The following CUBN variants were observed in gnomAD, a reference collection of about 807,000 sequenced individuals.
The protein encoded by CUBN is cubilin, also known as 460 kDa receptor.
In CUBN, 282 loss-of-function variants were observed where a neutral mutation model predicts 405.3. The observed-to-expected ratio is 0.70, with a 90% CI of 0.63 to 0.77. The LOEUF (loss-of-function observed/expected upper bound fraction) is 0.77. CUBN is among the 30% of genes least tolerant of loss of function. CUBN has a pLI of 0.00. For missense variants in CUBN, 4,514 were observed against 4,475.2 expected, an observed-to-expected ratio of 1.01 and a Z score of -0.25; for synonymous variants, 1,684 against 1,617.0, an observed-to-expected ratio of 1.04 and a Z score of -0.99.
intron 28 of CUBN, among the ~76,000 whole-genome samples, chr10:17,008,125 T>C (rs1391355313): frequency 1.3e-5 from 2 of 152,076 alleles, no homozygotes; most frequent in Non-Finnish European, 1.5e-5. Context: ...CACTCTAGCC[T>C]GGGAAATAGA....
chr10:17,056,820 C>T (rs889652666), intron 22 of CUBN, among the ~76,000 whole-genome samples: 2 of 151,964 alleles, frequency 1.3e-5, no homozygotes, highest in Non-Finnish European at 2.9e-5. Flanking sequence ...TGGCAAAGGA[C>T]GTATTTGTAT....
chr10:17,108,543 A>C (rs1477863505), intron 10 of CUBN, among the ~76,000 whole-genome samples: 1 of 152,164 alleles, frequency 6.6e-6, no homozygotes, highest in Non-Finnish European at 1.5e-5. Flanking sequence ...TTGAGCAAAA[A>C]TACCAAGCCA....
At chr10:16,874,618 T>A in intron 57 of CUBN, 115 bp from the exon 58 acceptor site, 1 of 1,315,612 alleles carries the variant, frequency 7.6e-7, no homozygotes, top group Non-Finnish European at 1.1e-6. Flanking sequence ...GTAATAATTA[T>A]TTTTCTTAAA....
At chr10:16,965,376 C>G (rs1324450506) in intron 31 of CUBN, among the ~76,000 whole-genome samples, 2 of 152,150 alleles carry the variant, frequency 1.3e-5, no homozygotes, top group African/African-American at 4.8e-5. Flanking sequence ...CATGCTTTGC[C>G]TAAGCACTAA....
Position 17,127,719 on chromosome 10 carries a change from C to A in CUBN, c.348+110G>T, listed in dbSNP as rs557099005. 6.3e-4 allele frequency: 463 copies of A among 732,242 alleles called. 1 individual carries two copies. Among genetic ancestry groups the A allele is most frequent in the Admixed American group, 6.2e-3 (271 of 44,040 alleles). The allele number at this position is 732,242 out of a possible 1,614,324, so 45.4% of individuals were successfully genotyped here. On this transcript the variant is annotated intron_variant, in intron 3 of 66. Coordinates refer to ENST00000377833, the MANE Select transcript of CUBN (RefSeq NM_001081.4). ...TAACCAAACAGTGAGTAGTTACATG[C>A]TAAATCTCTAAAGAGCACACAAAGT...
chr10:17,020,777 T>C (rs952894703), intron 27 of CUBN, among the ~76,000 whole-genome samples: 3 of 152,220 alleles, frequency 2.0e-5, no homozygotes, highest in Non-Finnish European at 2.9e-5. Flanking sequence ...ACAAATATAA[T>C]GTATTTATAT....
At chr10:16,921,718 G>A (rs1015157277) in intron 43 of CUBN, among the ~76,000 whole-genome samples, 3 of 152,162 alleles carry the variant, frequency 2.0e-5, no homozygotes, top group African/African-American at 4.8e-5. Flanking sequence ...GAGGCCCTCA[G>A]GAATCCTCCT....
chr10:17,103,152 G>A lies in CUBN; in HGVS notation c.1503C>T (p.Phe501=), dbSNP rs373833244. 4 of 1,613,222 alleles carry A rather than the reference G, an allele frequency of 2.5e-6. No individual in the cohort carries two copies. The African/African-American group carries it at 4.0e-5, about 16-fold the overall frequency. The change falls in exon 13 of 67, where the codon TTC becomes TTT. Residue 501 remains phenylalanine, a synonymous_variant. Coordinates refer to ENST00000377833, the MANE Select transcript of CUBN (RefSeq NM_001081.4). ...DVGYVHDVNC[F]WVIKTEMGKV... is the part of the protein sequence containing the mutation. Reference sequence around the variant, plus strand: ...TTCCCATTTCAGTTTTGATAACCCAGAAGCAGTTAACATCATGAACATAAC... The same window carrying A: ...TTCCCATTTCAGTTTTGATAACCCAAAAGCAGTTAACATCATGAACATAAC...
chr10:17,009,376 T>A (rs746465041), intron 28 of CUBN, among the ~76,000 whole-genome samples: 2 of 152,098 alleles, frequency 1.3e-5, no homozygotes, highest in Admixed American at 6.5e-5. Flanking sequence ...AGATTCCAAG[T>A]AGAACTGGTA....
intron 31 of CUBN, among the ~76,000 whole-genome samples, chr10:16,971,023 A>T (rs58461774): frequency 0.076 from 11,642 of 152,232 alleles, 622 homozygotes; most frequent in East Asian, 0.15. Flanking sequence ...ATTGTTATAG[A>T]AGTTTTGAAA....
chr10:17,050,899 C>A (rs1373760307), intron 22 of CUBN, among the ~76,000 whole-genome samples: 1 of 152,042 alleles, frequency 6.6e-6, no homozygotes, highest in Non-Finnish European at 1.5e-5. Context: ...TAAACCTATG[C>A]AGATACAAAG....
intron 57 of CUBN, among the ~76,000 whole-genome samples, chr10:16,874,915 T>C (rs1840456463): frequency 6.6e-6 from 1 of 152,004 alleles, no homozygotes; most frequent in South Asian, 2.1e-4. Context: ...TCTAGGAAGG[T>C]TGTGATCTGG....
intron 30 of CUBN, 39 bp downstream of exon 30, chr10:16,984,066 C>A (rs775524956): frequency 3.7e-6 from 6 of 1,608,844 alleles, no homozygotes; most frequent in Non-Finnish European, 5.1e-6. Context: ...AACGAGGGCT[C>A]GGCTTAAGTA....
chr10:17,014,430 G>T (rs1387028731), intron 28 of CUBN, among the ~76,000 whole-genome samples: 1 of 152,122 alleles, frequency 6.6e-6, no homozygotes, highest in Non-Finnish European at 1.5e-5. Flanking sequence ...GTATAGAGGG[G>T]CCTGGCTATC....
At chr10:16,941,934 A>G (rs1213829993) in intron 36 of CUBN, among the ~76,000 whole-genome samples, 1 of 152,132 alleles carries the variant, frequency 6.6e-6, no homozygotes, top group Non-Finnish European at 1.5e-5. Flanking sequence ...CTAGCAAGGG[A>G]CTCAAAGTTG....
chr10:17,066,059 A>G (rs1835607949), intron 21 of CUBN, among the ~76,000 whole-genome samples: 1 of 152,202 alleles, frequency 6.6e-6, no homozygotes, highest in Non-Finnish European at 1.5e-5. Context: ...CATCCCTAAA[A>G]TGGGAATGAT....
At chr10:16,883,785 C>T (rs938187017) in intron 56 of CUBN, among the ~76,000 whole-genome samples, 1 of 152,084 alleles carries the variant, frequency 6.6e-6, no homozygotes. Flanking sequence ...GGCATTTGTC[C>T]CTTTGGTGTT....
chr10:16,889,943 A>AAAAAAAAAAAAAAAAAAACAAAAC (rs1251745314), intron 55 of CUBN, among the ~76,000 whole-genome samples: 2 of 139,980 alleles, frequency 1.4e-5, no homozygotes, highest in African/African-American at 5.4e-5. Context: ...GTCAAAAAAA[A>AAAAAAAAAAAAAAAAAAACAAAAC]AAAAAAAAAA....
At chr10:16,903,749 A>G (rs1841473385) in intron 51 of CUBN, among the ~76,000 whole-genome samples, 1 of 149,202 alleles carries the variant, frequency 6.7e-6, no homozygotes, top group South Asian at 2.1e-4. Flanking sequence ...GAATAATTTT[A>G]AAATTAAATA....
Sources: gnomAD v4.1 joint callset for allele counts (sites outside exome capture counted in the v4.1 genomes callset) on GRCh38, gnomAD v4.1.1 for gene constraint, MANE v1.5 for transcripts, NCBI Gene and HGNC (gene_info 2026-07-23, HGNC 2026-07-21) for gene names.